The following TRAK1 variants were observed in gnomAD, a reference collection of about 807,000 sequenced individuals.
TRAK1 encodes trafficking kinesin protein 1.
Under a neutral mutation model 92.1 loss-of-function variants are expected in TRAK1, and 33 were observed. That is an observed-to-expected ratio of 0.36 (90% confidence interval 0.27 to 0.48). The LOEUF (loss-of-function observed/expected upper bound fraction) is 0.48. TRAK1 is among the 20% of genes least tolerant of loss of function. The pLI, the probability that TRAK1 is intolerant of heterozygous loss-of-function variation, is 0.99. For missense variants in TRAK1, 1,123 were observed against 1,257.9 expected (o/e 0.89, Z 1.62); for synonymous variants, 521 against 517.3 (o/e 1.01, Z -0.10).
At chr3:42,121,350 C>T (rs551310137) in intron 1 of TRAK1, among the ~76,000 whole-genome samples, 4 of 151,526 alleles carry the variant, frequency 2.6e-5, no homozygotes, top group Admixed American at 2.6e-4. Flanking sequence ...AGCTCCGCCT[C>T]CGGGGTTCAC....
chr3:42,151,984 G>A (rs891166794), intron 2 of TRAK1, among the ~76,000 whole-genome samples: 2 of 152,168 alleles, frequency 1.3e-5, no homozygotes, highest in African/African-American at 4.8e-5. Context: ...CACTTAAATT[G>A]CAGTGTTAGC....
chr3:42,022,834 G>A (rs1701770400), intron 1 of TRAK1, among the ~76,000 whole-genome samples: 1 of 151,846 alleles, frequency 6.6e-6, no homozygotes, highest in Non-Finnish European at 1.5e-5. Context: ...TGGTATAGTA[G>A]AAGTGATACT....
chr3:42,160,493 C>A (rs1701144583), intron 2 of TRAK1: 1 of 1,611,718 alleles, frequency 6.2e-7, no homozygotes, highest in Non-Finnish European at 8.5e-7. Flanking sequence ...GTACTTGGCT[C>A]AGATTTGATC....
At chr3:42,055,331 A>G (rs1703157543) in intron 1 of TRAK1, among the ~76,000 whole-genome samples, 1 of 152,190 alleles carries the variant, frequency 6.6e-6, no homozygotes, top group Non-Finnish European at 1.5e-5. Flanking sequence ...ACTCTCTCCC[A>G]TAGACTTTTT....
Position 42,202,649 on chromosome 3 carries a change from G to C in TRAK1, c.1641G>C (p.Leu547=). 1 of 1,612,562 alleles carries C rather than the reference G, an allele frequency of 6.2e-7. No individual in the cohort carries two copies. The highest frequency in any genetic ancestry group is 8.5e-7 in the Non-Finnish European group (1 of 1,178,790). Residue 547 remains leucine, a synonymous_variant, in exon 13 of 16, where the codon CTG becomes CTC. Coordinates refer to ENST00000327628, the MANE Select transcript of TRAK1 (RefSeq NM_001042646.3). The surrounding 1 kb of genome is among the most constrained non-coding windows in gnomAD (Gnocchi z 6.1). ...SLTPTESIMS[L]GTHSRFSEFT... is the part of the protein sequence containing the mutation. ...CACCCACTGAGAGCATCATGTCCCT[G>C]GGCACGCACTCCCGCTTCTCCGAGT... is the stretch of plus-strand genomic sequence containing the variant.
At position 42,223,191 on chromosome 3, in the gene TRAK1, G is replaced by T; in HGVS notation, c.2316G>T (p.Thr772=). The change falls in exon 16 of 16, where the codon ACG becomes ACT. Residue 772 remains threonine, a synonymous_variant. Coordinates refer to ENST00000327628, the MANE Select transcript of TRAK1 (RefSeq NM_001042646.3). This position sits in a 1 kb window ranked among gnomAD's most constrained non-coding sequence, Gnocchi z 6.1. ...GGGGCTCCCTCCTGCACTCCTACAC[G>T]CCCAAGATGGCTGTGATCCCCTCTA... The part of the protein sequence containing the change: ...AGRGSLLHSY[T]PKMAVIPSTP... The T allele has an allele frequency of 6.2e-7, 1 of 1,614,014 alleles. No homozygotes were observed. Among genetic ancestry groups the T allele is most frequent in the Non-Finnish European group, 8.5e-7 (1 of 1,179,996 alleles).
At chr3:42,108,536 C>T (rs1193552688) in intron 1 of TRAK1, among the ~76,000 whole-genome samples, 1 of 147,646 alleles carries the variant, frequency 6.8e-6, no homozygotes, top group Non-Finnish European at 1.5e-5. Flanking sequence ...TCAACATTAG[C>T]ATTCCCTAAC....
intron 2 of TRAK1, among the ~76,000 whole-genome samples, chr3:42,157,584 C>T (rs777353283): frequency 2.3e-4 from 34 of 149,150 alleles, no homozygotes; most frequent in South Asian, 4.2e-4. Context: ...GTTTTCTTGC[C>T]GAAAGTTCAT....
chr3:42,112,133 TA>T (rs1426592596), intron 1 of TRAK1, among the ~76,000 whole-genome samples: 1 of 135,140 alleles, frequency 7.4e-6, no homozygotes, highest in Non-Finnish European at 1.6e-5. Flanking sequence ...CCTCAGCTCT[TA>T]CTTTTTTTTT....
At chr3:42,189,929 C>A (rs767546689) in intron 6 of TRAK1, among the ~76,000 whole-genome samples, 3 of 152,176 alleles carry the variant, frequency 2.0e-5, no homozygotes, top group Non-Finnish European at 2.9e-5. Context: ...GGCAGTGTGC[C>A]AGGCATTTTG....
chr3:42,175,050 A>T (rs1703024300), intron 2 of TRAK1, among the ~76,000 whole-genome samples: 1 of 152,208 alleles, frequency 6.6e-6, no homozygotes, highest in Admixed American at 6.5e-5. Context: ...CAGGTTAGTT[A>T]AAAGGTAGCC....
At chr3:42,153,569 T>C (rs1474030662) in intron 2 of TRAK1, among the ~76,000 whole-genome samples, 4 of 152,188 alleles carry the variant, frequency 2.6e-5, no homozygotes, top group South Asian at 4.1e-4. Flanking sequence ...TAGTTCATAC[T>C]GATTTCACAA....
At chr3:42,134,578 C>CT (rs547455969) in intron 2 of TRAK1, among the ~76,000 whole-genome samples, 3,718 of 76,400 alleles carry the variant, frequency 0.049, 460 homozygotes, top group Non-Finnish European at 0.053. Context: ...TGCCTGGTCT[C>CT]TTTTTTTTTT....
At chr3:42,106,095 G>C (rs1243373702) in intron 1 of TRAK1, among the ~76,000 whole-genome samples, 1 of 152,180 alleles carries the variant, frequency 6.6e-6, no homozygotes, top group East Asian at 1.9e-4. Flanking sequence ...TCAATGCTAG[G>C]AAGAAACTGC....
At chr3:42,153,024 G>A (rs1700119680) in intron 2 of TRAK1, among the ~76,000 whole-genome samples, 1 of 152,152 alleles carries the variant, frequency 6.6e-6, no homozygotes, top group Admixed American at 6.5e-5. Flanking sequence ...CTTTGTAAGC[G>A]ACGAAGAGCC....
Position 42,192,939 on chromosome 3 carries a change from C to G in TRAK1, c.770-136C>G. On this transcript the variant is annotated intron_variant, in intron 7 of 15. Transcript: ENST00000327628. ...GGAAAATGGTCATTATGAGTTCCTT[C>G]CTGCACCCTCCCCACTCTACCCTGT... 3.1e-6 allele frequency: 4 copies of G among 1,271,472 alleles called. No individual in the cohort carries two copies. In the South Asian group the frequency reaches 5.8e-5, roughly 19 times the overall value. 78.8% of individuals were successfully genotyped at this position (1,271,472 alleles called of 1,614,324 possible). A position where few individuals can be genotyped will look rare whatever the true frequency, so the allele number is the denominator to read the frequency against.
intron 2 of TRAK1, among the ~76,000 whole-genome samples, chr3:42,157,457 CAAAAAAAAAAAAAAAAAAA>C (rs60622565): frequency 0.026 from 814 of 31,190 alleles, 47 homozygotes; most frequent in African/African-American, 0.089. Flanking sequence ...GACCCTGTCT[CAAAAAAAAAAAAAAAAAAA>C]AAAAAAAAAA....
chr3:42,149,612 C>T, intron 2 of TRAK1: 1 of 1,535,996 alleles, frequency 6.5e-7, no homozygotes, highest in South Asian at 1.2e-5. Flanking sequence ...AATTATGGCC[C>T]CTGCAAAACA....
chr3:42,219,832 G>A (rs1330565030), intron 15 of TRAK1, among the ~76,000 whole-genome samples: 4 of 100,920 alleles, frequency 4.0e-5, no homozygotes, highest in Non-Finnish European at 5.5e-5. Flanking sequence ...GTTTTGCTCT[G>A]TTGCCCAGGC....
Sources: gnomAD v4.1 joint callset for allele counts (sites outside exome capture counted in the v4.1 genomes callset) on GRCh38, gnomAD v4.1.1 for gene constraint, Gnocchi (gnomAD v3.1) non-coding constraint, MANE v1.5 for transcripts, NCBI Gene and HGNC (gene_info 2026-07-23, HGNC 2026-07-21) for gene names.